Variants in FILIP1 observed in about 807,000 individuals in gnomAD.
FILIP1 encodes the protein filamin-A-interacting protein 1.
FILIP1 carries 61 observed loss-of-function variants against 102.1 expected under a neutral mutation model. The ratio of observed to expected loss-of-function variants is 0.60; its 90% CI spans 0.49 to 0.74. The LOEUF (loss-of-function observed/expected upper bound fraction) is 0.74. FILIP1 is among the 30% of genes least tolerant of loss of function. The pLI is 0.00. For synonymous variants in FILIP1, 491 were observed against 526.9 expected (o/e 0.93, Z 0.93); for missense variants, 1,314 against 1,441.2 (o/e 0.91, Z 1.43).
chr6:75,295,788 A>G lies in FILIP1; in HGVS notation c.*122T>C, dbSNP rs1772650879. ...ATATCCTTAAAAAAAAATCACTGGA[A>G]GTAGTAAAATATTTCCAGTAGTGAT... On this transcript the variant is annotated 3_prime_UTR_variant, in exon 7 of 7. Coordinates refer to the FILIP1 transcript ENST00000393004. 7.2e-6 allele frequency: 4 copies of G among 553,816 alleles called. No homozygotes were observed. The South Asian group carries it at 2.7e-4, about 37-fold the overall frequency. 34.3% of individuals were successfully genotyped at this position (553,816 alleles called of 1,614,324 possible).
At chr6:75,481,245 A>G (rs1582569609) in intron 1 of FILIP1, among the ~76,000 whole-genome samples, 1 of 152,314 alleles carries the variant, frequency 6.6e-6, no homozygotes, top group Admixed American at 6.5e-5. Flanking sequence ...CAGAGATAAT[A>G]TAACATTCAC....
chr6:75,336,400 C>T (rs1354669323), intron 4 of FILIP1, among the ~76,000 whole-genome samples: 3 of 151,918 alleles, frequency 2.0e-5, no homozygotes, highest in African/African-American at 7.3e-5. Context: ...GCATAGTGGG[C>T]CCACAATATA....
intron 3 of FILIP1, chr6:75,361,949 ATC>A (rs2149611907): frequency 6.6e-6 from 1 of 152,376 alleles, no homozygotes; most frequent in African/African-American, 2.4e-5. Flanking sequence ...AGCAGATCTT[ATC>A]TCTCAGAATT....
downstream of FILIP1, among the ~76,000 whole-genome samples, chr6:75,305,801 G>A (rs901106322): frequency 1.3e-5 from 2 of 152,050 alleles, no homozygotes; most frequent in Admixed American, 1.3e-4. Flanking sequence ...ACACACTGAA[G>A]TCTGTGGAAA....
chr6:75,411,135 TC>T (rs1270434195), intron 2 of FILIP1, among the ~76,000 whole-genome samples: 2 of 152,274 alleles, frequency 1.3e-5, no homozygotes, highest in Non-Finnish European at 1.5e-5. Flanking sequence ...AGATGGTATC[TC>T]ACTGTGGTTT....
intron 1 of FILIP1, among the ~76,000 whole-genome samples, chr6:75,450,434 G>A (rs1778588652): frequency 6.6e-6 from 1 of 151,960 alleles, no homozygotes; most frequent in African/African-American, 2.4e-5. Flanking sequence ...ATTACTTGAG[G>A]CCAGAAGTTT....
chr6:75,416,178 G>A (rs1272153472), intron 1 of FILIP1, among the ~76,000 whole-genome samples: 1 of 152,024 alleles, frequency 6.6e-6, no homozygotes, highest in Non-Finnish European at 1.5e-5. Context: ...AGAAACTAAG[G>A]AAAGATTTTT....
At chr6:75,364,323 C>T (rs1775261404) in intron 2 of FILIP1, among the ~76,000 whole-genome samples, 2 of 152,152 alleles carry the variant, frequency 1.3e-5, no homozygotes. Context: ...TTAGCCTGTA[C>T]ACTGTGCTCA....
At chr6:75,296,475 T>TTTTTTTTTA (rs565379089) in intron 6 of FILIP1, 37 of 140,396 alleles carry the variant, frequency 2.6e-4, no homozygotes, top group African/African-American at 9.2e-4. Flanking sequence ...ACTCTATATG[T>TTTTTTTTTA]TTATTATTAT....
intron 1 of FILIP1, among the ~76,000 whole-genome samples, chr6:75,460,451 T>C (rs1778987514): frequency 6.6e-6 from 1 of 152,206 alleles, no homozygotes; most frequent in Admixed American, 6.5e-5. Flanking sequence ...AAAAATCTAT[T>C]ACATTCTAAA....
At chr6:75,465,998 C>T (rs1252585328) in intron 1 of FILIP1, among the ~76,000 whole-genome samples, 1 of 152,158 alleles carries the variant, frequency 6.6e-6, no homozygotes, top group African/African-American at 2.4e-5. Flanking sequence ...CAAGCATGTC[C>T]CCGGCTTAAG....
At chr6:75,350,770 A>T (rs1774769968) in intron 4 of FILIP1, among the ~76,000 whole-genome samples, 1 of 152,252 alleles carries the variant, frequency 6.6e-6, no homozygotes, top group Non-Finnish European at 1.5e-5. Context: ...TACCTCAGGC[A>T]TTTAGCTTAG....
intron 6 of FILIP1, among the ~76,000 whole-genome samples, chr6:75,300,993 A>T (rs1772822199): frequency 6.6e-6 from 1 of 152,236 alleles, no homozygotes; most frequent in South Asian, 2.1e-4. Flanking sequence ...TCCCATATAT[A>T]ACATTAACTA....
At chr6:75,432,392 T>C (rs1280638548) in intron 1 of FILIP1, among the ~76,000 whole-genome samples, 3 of 152,196 alleles carry the variant, frequency 2.0e-5, no homozygotes, top group Admixed American at 2.0e-4. Flanking sequence ...GAAGGAGTTG[T>C]AGATGATTTG....
At chr6:75,312,282 G>A (rs568375674) in intron 5 of FILIP1, 115 bp downstream of exon 5, 1 of 993,184 alleles carries the variant, frequency 1.0e-6, no homozygotes, top group African/African-American at 1.6e-5. Context: ...ATCTGTTGGT[G>A]GATTCAGGTA....
intron 4 of FILIP1, among the ~76,000 whole-genome samples, chr6:75,343,532 G>A (rs1774482233): frequency 6.6e-6 from 1 of 152,062 alleles, no homozygotes; most frequent in Non-Finnish European, 1.5e-5. Flanking sequence ...TATCCTCTCA[G>A]AGAAACATCT....
At chr6:75,441,536 C>G (rs1229411811) in intron 1 of FILIP1, among the ~76,000 whole-genome samples, 1 of 152,038 alleles carries the variant, frequency 6.6e-6, no homozygotes, top group Admixed American at 6.5e-5. Context: ...AGAGGGGCTC[C>G]TCACTTCCCA....
At chr6:75,451,538 AG>A (rs1432806455) in intron 1 of FILIP1, among the ~76,000 whole-genome samples, 5 of 152,114 alleles carry the variant, frequency 3.3e-5, no homozygotes, top group African/African-American at 7.2e-5. Context: ...CATTTTAAAA[AG>A]AGTTACAAAG....
intron 1 of FILIP1, among the ~76,000 whole-genome samples, chr6:75,474,911 A>G (rs1340183676): frequency 6.6e-6 from 1 of 150,410 alleles, no homozygotes; most frequent in African/African-American, 2.5e-5. Context: ...AGTGTGTGGC[A>G]CCCCCCACCC....
Sources: gnomAD v4.1 joint callset for allele counts (sites outside exome capture counted in the v4.1 genomes callset) on GRCh38, gnomAD v4.1.1 for gene constraint, MANE v1.5 for transcripts, NCBI Gene and HGNC (gene_info 2026-07-23, HGNC 2026-07-21) for gene names.